Variants in TTBK2 observed in about 807,000 individuals in gnomAD.
The protein encoded by TTBK2 is tau-tubulin kinase 2.
TTBK2 carries 28 observed loss-of-function variants against 110.8 expected under a neutral mutation model. The ratio of observed to expected loss-of-function variants is 0.25; its 90% CI spans 0.19 to 0.35. The LOEUF (loss-of-function observed/expected upper bound fraction) is 0.35. TTBK2 is among the 10% of genes least tolerant of loss of function. The probability of loss-of-function intolerance (pLI) is 1.00; values close to 1 mark genes in which losing one functional copy is unlikely to be tolerated. For missense variants in TTBK2, 1,369 were observed against 1,500.3 expected (o/e 0.91, Z 1.45); for synonymous variants, 532 against 527.3 (o/e 1.01, Z -0.12).
At chr15:42,817,575 T>C (rs1871102289) in intron 6 of TTBK2, among the ~76,000 whole-genome samples, 2 of 152,214 alleles carry the variant, frequency 1.3e-5, no homozygotes, top group Admixed American at 1.3e-4. Context: ...ACTTGTACCC[T>C]ACCTCCATAT....
intron 8 of TTBK2, 101 bp downstream of exon 8, chr15:42,811,587 A>G: frequency 2.2e-6 from 2 of 893,924 alleles, no homozygotes; most frequent in Non-Finnish European, 3.6e-6. Flanking sequence ...ATGCTTGTAG[A>G]TTTTAAGTCT....
intron 2 of TTBK2, among the ~76,000 whole-genome samples, chr15:42,877,415 G>A (rs192592711): frequency 6.6e-4 from 101 of 152,080 alleles, no homozygotes; most frequent in Admixed American, 2.9e-3. Context: ...ACCCCAAATG[G>A]AAGCAAATAG....
intron 9 of TTBK2, chr15:42,802,500 T>A: frequency 1.9e-6 from 1 of 524,844 alleles, no homozygotes; most frequent in South Asian, 2.3e-5. Context: ...TCTGCTCTTC[T>A]TGGGGATTTT....
intron 3 of TTBK2, among the ~76,000 whole-genome samples, chr15:42,848,621 G>C (rs574341748): frequency 6.6e-6 from 1 of 152,016 alleles, no homozygotes; most frequent in Non-Finnish European, 1.5e-5. Flanking sequence ...CTCCCAGGTA[G>C]CTGGGATTAC....
intron 3 of TTBK2, among the ~76,000 whole-genome samples, chr15:42,847,257 T>C (rs1893506761): frequency 1.3e-5 from 2 of 152,228 alleles, no homozygotes; most frequent in Non-Finnish European, 2.9e-5. Flanking sequence ...CTGTAAAAGC[T>C]TATTAAATAT....
chr15:42,877,765 G>T (rs1456893771), intron 2 of TTBK2, among the ~76,000 whole-genome samples: 2 of 151,908 alleles, frequency 1.3e-5, no homozygotes, highest in Admixed American at 6.6e-5. Context: ...GAGTCAGCAG[G>T]GAAGAAATGA....
At chr15:42,904,825 T>C (rs2030283599) in intron 1 of TTBK2, among the ~76,000 whole-genome samples, 1 of 152,160 alleles carries the variant, frequency 6.6e-6, no homozygotes, top group Non-Finnish European at 1.5e-5. Context: ...CAATAGATAT[T>C]TGGCGAAGTT....
intron 1 of TTBK2, among the ~76,000 whole-genome samples, chr15:42,912,864 G>A (rs2030855646): frequency 1.3e-5 from 2 of 151,608 alleles, no homozygotes; most frequent in South Asian, 2.1e-4. Flanking sequence ...GGTGGCTCAC[G>A]CCTGTAATCC....
intron 3 of TTBK2, among the ~76,000 whole-genome samples, chr15:42,850,537 G>A (rs894622331): frequency 3.3e-5 from 5 of 152,082 alleles, no homozygotes; most frequent in Non-Finnish European, 7.4e-5. Context: ...AGTGAAGTGC[G>A]CTTACTCCAT....
At chr15:42,750,716 A>G (rs1024650921) in intron 14 of TTBK2, among the ~76,000 whole-genome samples, 1 of 152,140 alleles carries the variant, frequency 6.6e-6, no homozygotes, top group Admixed American at 6.5e-5. Context: ...AAAAGCCTGC[A>G]AACTCCCCAA....
chr15:42,910,924 A>G (rs1239280540), intron 1 of TTBK2, among the ~76,000 whole-genome samples: 1 of 151,958 alleles, frequency 6.6e-6, no homozygotes, highest in Admixed American at 6.6e-5. Flanking sequence ...GGTGCCTGTA[A>G]TCCCAGCTAC....
At chr15:42,807,713 A>T (rs1891532845) in intron 9 of TTBK2, among the ~76,000 whole-genome samples, 1 of 152,154 alleles carries the variant, frequency 6.6e-6, no homozygotes, top group South Asian at 2.1e-4. Context: ...CTGAGATTAC[A>T]AGCATGAACC....
chr15:42,747,554 G>C (rs1035970155), intron 14 of TTBK2, among the ~76,000 whole-genome samples: 2 of 152,128 alleles, frequency 1.3e-5, no homozygotes, highest in Non-Finnish European at 2.9e-5. Context: ...GTACAACCTA[G>C]ATCTCTCCCA....
chr15:42,788,090 GTA>G (rs1323294418), intron 10 of TTBK2, among the ~76,000 whole-genome samples: 11 of 152,066 alleles, frequency 7.2e-5, no homozygotes. Context: ...TAAAACTACA[GTA>G]TTGTAATCTT....
chr15:42,754,826 T>C lies in TTBK2; in HGVS notation c.1999-1579A>G, dbSNP rs1347665026. Among the ~76,000 whole-genome samples, 3 of 146,766 alleles carry C rather than the reference T, an allele frequency of 2.0e-5. 1 individual carries two copies. The highest frequency in any genetic ancestry group is 4.9e-5 in the African/African-American group (2 of 40,414). Reference sequence around the variant, plus strand: ...GAGTTCGAGACCAGCCTGGCCAACATGGTGAAACCCCGTCTCTACTAAAAA... The same window carrying C: ...GAGTTCGAGACCAGCCTGGCCAACACGGTGAAACCCCGTCTCTACTAAAAA... On this transcript the variant is annotated intron_variant, in intron 13 of 14. Transcript: ENST00000267890.
intron 1 of TTBK2, among the ~76,000 whole-genome samples, chr15:42,903,738 G>GT (rs546077226): frequency 1.4e-4 from 21 of 152,294 alleles, no homozygotes; most frequent in African/African-American, 4.8e-4. Flanking sequence ...TCCCTTAAGT[G>GT]TGGGCTGTAT....
chr15:42,860,640 CTTTTTTTTTTT>C (rs796405914), intron 3 of TTBK2, among the ~76,000 whole-genome samples: 5 of 102,124 alleles, frequency 4.9e-5, no homozygotes, highest in African/African-American at 1.2e-4. Context: ...GGTATTCTTT[CTTTTTTTTTTT>C]TTTTTTTTTT....
chr15:42,833,064 G>A (rs1008652327), intron 4 of TTBK2, among the ~76,000 whole-genome samples: 1 of 152,006 alleles, frequency 6.6e-6, no homozygotes, highest in Non-Finnish European at 1.5e-5. Context: ...AGGATTGAAG[G>A]AGGGAGAGGA....
At chr15:42,859,547 T>C (rs1361760013) in intron 3 of TTBK2, among the ~76,000 whole-genome samples, 1 of 152,086 alleles carries the variant, frequency 6.6e-6, no homozygotes, top group Admixed American at 6.6e-5. Context: ...TCCAGAAGTA[T>C]AGGCACACTA....
Sources: allele counts gnomAD v4.1 joint callset (sites outside exome capture counted in the v4.1 genomes callset), GRCh38; gene constraint gnomAD v4.1.1; transcripts MANE v1.5; gene names NCBI Gene and HGNC (gene_info 2026-07-23, HGNC 2026-07-21).